Variants in NEB observed in about 807,000 individuals in gnomAD.
The protein encoded by NEB is nemaline myopathy type 2.
In NEB, 512 loss-of-function variants were observed where a neutral mutation model predicts 952.2. The observed-to-expected ratio is 0.54, with a 90% CI of 0.50 to 0.58. The LOEUF is 0.58. Ranked by LOEUF, NEB falls within the 20% of genes least tolerant of loss-of-function variation. The probability of loss-of-function intolerance (pLI) is 0.00; values close to 1 mark genes in which losing one functional copy is unlikely to be tolerated. For missense variants in NEB, 8,428 were observed against 9,231.1 expected (o/e 0.91, Z 3.56); for synonymous variants, 2,900 against 3,149.8 (o/e 0.92, Z 2.66).
chr2:151,664,418 G>T, intron 44 of NEB, 83 bp downstream of exon 44: 1 of 1,029,846 alleles, frequency 9.7e-7, no homozygotes, highest in South Asian at 1.8e-5. Flanking sequence ...GAATGGAGCT[G>T]ACCACTGCTC....
rs991125199 is a variant in NEB, at chr2:151,679,584, T to C, written c.3255+137A>G. On this transcript the variant is annotated intron_variant, in intron 32 of 181. Transcript: ENST00000397345. Reference sequence around the variant, plus strand: ...AAATTTAAATCTATTTAGGGAACTTTATTTCCTAAATAGTTTTCAATCAGA... The same window carrying C: ...AAATTTAAATCTATTTAGGGAACTTCATTTCCTAAATAGTTTTCAATCAGA... 7 of 629,668 alleles carry C rather than the reference T, an allele frequency of 1.1e-5. No individual in the cohort carries two copies. The South Asian group carries it at 1.4e-4, about 13-fold the overall frequency. The allele number at this position is 629,668 out of a possible 1,614,324, so 39.0% of individuals were successfully genotyped here. A position where few individuals can be genotyped will look rare whatever the true frequency, so the allele number is the denominator to read the frequency against.
chr2:151,486,045 A>G, intron 181 of NEB, 112 bp from the exon 182 acceptor site: 1 of 1,106,692 alleles, frequency 9.0e-7, no homozygotes, highest in South Asian at 1.5e-5. Context: ...AGTTGAACAA[A>G]AGAGAATGTG....
At chr2:151,561,578 T>TC (rs1425110568) in intron 121 of NEB, among the ~76,000 whole-genome samples, 2 of 151,838 alleles carry the variant, frequency 1.3e-5, no homozygotes, top group Non-Finnish European at 2.9e-5. Context: ...CTCACTTTTT[T>TC]TTTTTTTTGG....
In NEB at chr2:151,627,638, T is replaced by C. The variant is rs2098551040; in HGVS notation, c.10028A>G (p.Lys3343Arg). ...VDMLGVVLAK[K>R]CQTLVSDVDY... is the part of the protein sequence containing the mutation. ...CACATCGCTGACTAAGGTCTGGCACTTCTTGGCTAACACCACTCCCAGCAT... is the reference window on the plus strand; with the variant it reads ...CACATCGCTGACTAAGGTCTGGCACCTCTTGGCTAACACCACTCCCAGCAT... The change falls in exon 69 of 182, where the codon AAG (lysine) becomes AGG (arginine). Residue 3343 changes from lysine (K) to arginine (R), a missense_variant. Around this residue, in one of 11 missense-constraint regions of NEB, gnomAD observed 1,772 missense variants for 1,960.3 expected, o/e 0.90. Transcript: ENST00000397345. 1 of 1,613,908 alleles carries C rather than the reference T, an allele frequency of 6.2e-7. No individual in the cohort carries two copies. The highest frequency in any genetic ancestry group is 1.3e-5 in the African/African-American group (1 of 74,938).
At chr2:151,538,028 A>T (rs2153552024) in intron 139 of NEB, 52 bp from the exon 140 acceptor site, 1 of 1,540,342 alleles carries the variant, frequency 6.5e-7, no homozygotes, top group African/African-American at 1.4e-5. Flanking sequence ...AGTTAATGTA[A>T]ATATGGCTTC....
At chr2:151,698,041 G>A (rs374375884) in intron 13 of NEB, among the ~76,000 whole-genome samples, 3 of 151,302 alleles carry the variant, frequency 2.0e-5, no homozygotes, top group African/African-American at 4.9e-5. Context: ...ACTCCAGCCC[G>A]GGCGACAATG....
At chr2:151,497,586 T>C in intron 171 of NEB, 40 bp downstream of exon 171, 1 of 1,540,524 alleles carries the variant, frequency 6.5e-7, no homozygotes, top group South Asian at 1.2e-5. Context: ...GTTTTCAAAA[T>C]CATTAAATAA....
At chr2:151,496,877 A>G (rs2060562808) in intron 172 of NEB, 64 bp downstream of exon 172, 1 of 1,450,864 alleles carries the variant, frequency 6.9e-7, no homozygotes. Context: ...AATATGTATT[A>G]TTTTAAATCA....
chr2:151,708,314 T>G (rs2099726460), intron 12 of NEB, among the ~76,000 whole-genome samples: 1 of 152,186 alleles, frequency 6.6e-6, no homozygotes, highest in South Asian at 2.1e-4. Context: ...TATACTTATA[T>G]CTTCAATTTC....
At chr2:151,696,513 G>T in intron 17 of NEB, 124 bp downstream of exon 17, 1 of 716,862 alleles carries the variant, frequency 1.4e-6, no homozygotes, top group Non-Finnish European at 2.4e-6. Context: ...AATGTATACT[G>T]TTTAAACTTG....
chr2:151,664,517 C>G lies in NEB; in HGVS notation c.5435G>C (p.Arg1812Thr). ...AGCACTTACATCACTGGCAATGTCT[C>G]TAGAGGCTCTTGCAGCCTTTATTGC... is the stretch of plus-strand genomic sequence containing the variant. ...AIAIKAARAS[R>T]DIASDYKYKK... is the part of the protein sequence containing the mutation. The change falls in exon 44 of 182, where the codon AGA becomes ACA. Residue 1812 changes from arginine (R) to threonine (T), a missense_variant. Coordinates refer to ENST00000397345, the MANE Select transcript of NEB (RefSeq NM_001164508.2). 1.3e-6 allele frequency: 2 copies of G among 1,594,182 alleles called. No homozygotes were observed. Among genetic ancestry groups the G allele is most frequent in the Non-Finnish European group, 1.7e-6 (2 of 1,171,976 alleles).
intron 146 of NEB, 26 bp downstream of exon 146, chr2:151,529,184 T>C: frequency 1.4e-6 from 2 of 1,480,958 alleles, no homozygotes; most frequent in Non-Finnish European, 1.9e-6. Context: ...TCCCCCACCA[T>C]GCTTGGGGAA....
chr2:151,496,045 G>A (rs747745090), intron 173 of NEB, among the ~76,000 whole-genome samples: 2 of 152,168 alleles, frequency 1.3e-5, no homozygotes, highest in African/African-American at 4.8e-5. Context: ...GCAAAAGGAT[G>A]TTTTATAGGA....
chr2:151,695,632 G>C lies in NEB; in HGVS notation c.1620C>G (p.Pro540=), dbSNP rs776014034. The part of the protein sequence containing the change: ...HESEKFKCHI[P]PDTPAFIQHK... ...GCTGGATAAAAGCAGGAGTATCAGG[G>C]GGGATATGGCACTTGAACTTTTCAC... Residue 540 remains proline, a synonymous_variant, in exon 18 of 182, where the codon CCC becomes CCG. Coordinates refer to ENST00000397345, the MANE Select transcript of NEB (RefSeq NM_001164508.2). 4 of 1,613,934 alleles carry C rather than the reference G, an allele frequency of 2.5e-6. No homozygotes were observed. The highest frequency in any genetic ancestry group is 3.4e-6 in the Non-Finnish European group (4 of 1,179,850).
At chr2:151,667,524 C>A (rs144066670) in intron 40 of NEB, among the ~76,000 whole-genome samples, 2 of 151,944 alleles carry the variant, frequency 1.3e-5, no homozygotes, top group African/African-American at 2.4e-5. Flanking sequence ...CAATCTTATA[C>A]ATCACATATA....
In NEB at chr2:151,634,502, C is replaced by A. The variant is rs1039043000; in HGVS notation, c.9103-537G>T. 1.3e-5 allele frequency among the ~76,000 whole-genome samples: 2 copies of A among 151,904 alleles called. 1 individual carries two copies. Among genetic ancestry groups the A allele is most frequent in the South Asian group, 4.2e-4 (2 of 4,812 alleles). ...ACTAAAAATAAAAAAATAAGCCGGG[C>A]GTGGTGGCGGGCGCCTGTAGTCCCA... On this transcript the variant is annotated intron_variant, in intron 64 of 181. Coordinates refer to ENST00000397345, the MANE Select transcript of NEB (RefSeq NM_001164508.2).
At chr2:151,707,774 T>C (rs191247719) in intron 12 of NEB, among the ~76,000 whole-genome samples, 5 of 152,232 alleles carry the variant, frequency 3.3e-5, no homozygotes, top group South Asian at 2.1e-4. Flanking sequence ...GAATCCTAGA[T>C]AAATCTACCA....
rs1413822850 is a variant in NEB at position 151,485,921 on chromosome 2, C to T, written c.25417G>A (p.Ala8473Thr). Reference protein sequence around the residue: ...HPSTAGKIFRAMYDYMAADAD... With the variant: ...HPSTAGKIFRTMYDYMAADAD... ...TCAGCAGCCATATAGTCATACATGG[C>T]ACGGAAGATTTTCTATTCGTGGGGA... The change falls in exon 182 of 182, where the codon GCC becomes ACC. Residue 8473 changes from alanine (A) to threonine (T), a missense_variant. This residue lies in a region of NEB where 3,374 missense variants were observed against 3,651.5 expected (regional missense o/e 0.92). Transcript: ENST00000397345. The T allele has an allele frequency of 1.2e-6, 2 of 1,613,736 alleles. No homozygotes were observed.
chr2:151,655,168 C>T lies in NEB; in HGVS notation c.6807+102G>A, dbSNP rs1313783024. On this transcript the variant is annotated intron_variant, in intron 51 of 181. Transcript: ENST00000397345. ...GGCTAATCAGTGTGTCATTTCCAAA[C>T]TTCCATTGCTTCAACATTTATATCA... 8 of 702,652 alleles carry T rather than the reference C, an allele frequency of 1.1e-5. No individual in the cohort carries two copies. In the Admixed American group the frequency reaches 1.7e-4, roughly 15 times the overall value. The allele number at this position is 702,652 out of a possible 1,614,324, so 43.5% of individuals were successfully genotyped here.
Sources: gnomAD v4.1 joint callset for allele counts (sites outside exome capture counted in the v4.1 genomes callset) on GRCh38, gnomAD v4.1.1 for gene constraint, gnomAD v4.1.1 regional missense constraint, MANE v1.5 for transcripts, NCBI Gene and HGNC (gene_info 2026-07-23, HGNC 2026-07-21) for gene names.